The following RUNX2 variants were observed in gnomAD, a reference collection of about 807,000 sequenced individuals.
The protein encoded by RUNX2 is RUNX family transcription factor 2.
RUNX2 carries 10 observed loss-of-function variants against 51.7 expected under a neutral mutation model. That is an observed-to-expected ratio of 0.19 (90% CI 0.12 to 0.33). The LOEUF is 0.33. RUNX2 is among the 10% of genes least tolerant of loss of function. The pLI, the probability that RUNX2 is intolerant of heterozygous loss-of-function variation, is 1.00. For synonymous variants in RUNX2, 276 were observed against 273.6 expected (o/e 1.01, Z -0.09); for missense variants, 562 against 691.3 (o/e 0.81, Z 2.10).
Position 45,547,161 on chromosome 6 carries a change from C to T in RUNX2, c.1422C>T (p.Thr474=). The T allele has an allele frequency of 6.2e-7, 1 of 1,614,128 alleles. No individual in the cohort carries two copies. The highest frequency in any genetic ancestry group is 8.5e-7 in the Non-Finnish European group (1 of 1,180,020). The change falls in exon 9 of 9, where the codon ACC becomes ACT. Residue 474 remains threonine (T), a synonymous_variant. Transcript: ENST00000647337. ...RSPSRMLPPC[T]TTSNGSTLLN... ...CTTCCAGAATGCTTCCGCCATGCACCACCACCTCGAATGGCAGCACGCTAT... is the reference window on the plus strand; with the variant it reads ...CTTCCAGAATGCTTCCGCCATGCACTACCACCTCGAATGGCAGCACGCTAT...
intron 2 of RUNX2, among the ~76,000 whole-genome samples, chr6:45,350,511 T>C (rs1791791632): frequency 1.3e-5 from 2 of 152,202 alleles, no homozygotes; most frequent in African/African-American, 4.8e-5. Context: ...CTCAAGCTGC[T>C]TTCTCACAGA....
In RUNX2 at chr6:45,355,636, C is replaced by T. The variant is rs539179939; in HGVS notation, c.58+26852C>T. 4.1e-3 allele frequency among the ~76,000 whole-genome samples: 617 copies of T among 152,020 alleles called. 2 individuals carry two copies. The highest frequency in any genetic ancestry group is 5.2e-3 in the Admixed American group (80 of 15,260). ...CTTTTGAAATATTTATATTTAATTA[C>T]AAATTCCAGATAAGTGAAGTTTTAT... is the stretch of plus-strand genomic sequence containing the variant. On this transcript the variant is annotated intron_variant, in intron 2 of 8. Coordinates refer to ENST00000647337, the MANE Select transcript of RUNX2 (RefSeq NM_001024630.4).
At chr6:45,458,517 C>T (rs555744476) in intron 5 of RUNX2, among the ~76,000 whole-genome samples, 26 of 152,204 alleles carry the variant, frequency 1.7e-4, no homozygotes, top group African/African-American at 4.6e-4. Context: ...ACATTTATTC[C>T]GTGTCACCAA....
At chr6:45,436,332 A>T (rs1300224507) in intron 4 of RUNX2, among the ~76,000 whole-genome samples, 1 of 148,688 alleles carries the variant, frequency 6.7e-6, no homozygotes, top group African/African-American at 2.6e-5. Context: ...TAGGGTCTGA[A>T]AAATGAGGTT....
intron 2 of RUNX2, among the ~76,000 whole-genome samples, chr6:45,399,480 C>T (rs1797656143): frequency 6.7e-6 from 1 of 149,164 alleles, no homozygotes; most frequent in East Asian, 2.0e-4. Context: ...CTGCCTCAGC[C>T]TACTGAGTAG....
intron 2 of RUNX2, among the ~76,000 whole-genome samples, chr6:45,367,658 C>A (rs950704404): frequency 1.3e-5 from 2 of 152,146 alleles, no homozygotes; most frequent in Non-Finnish European, 2.9e-5. Context: ...TAAGTAGTAA[C>A]CCCAGCCTCC....
chr6:45,477,906 G>A (rs528621090), intron 5 of RUNX2, among the ~76,000 whole-genome samples: 2 of 152,064 alleles, frequency 1.3e-5, no homozygotes, highest in African/African-American at 4.8e-5. Flanking sequence ...CACTGACAAG[G>A]CCCTTCAGCA....
At chr6:45,491,161 C>A (rs9369564) in intron 5 of RUNX2, among the ~76,000 whole-genome samples, 12 of 152,168 alleles carry the variant, frequency 7.9e-5, no homozygotes, top group East Asian at 5.8e-4. Flanking sequence ...AAGGCTCCCC[C>A]CCTCCGCCAA....
At chr6:45,393,431 ATT>A (rs112000848) in intron 2 of RUNX2, among the ~76,000 whole-genome samples, 5 of 146,636 alleles carry the variant, frequency 3.4e-5, no homozygotes, top group African/African-American at 9.9e-5. Context: ...GTAAAGTAAG[ATT>A]TTTTTTTTTT....
At chr6:45,430,781 A>G (rs1217159326) in intron 3 of RUNX2, among the ~76,000 whole-genome samples, 2 of 152,194 alleles carry the variant, frequency 1.3e-5, no homozygotes, top group African/African-American at 4.8e-5. Flanking sequence ...AGCTGCGGTC[A>G]TTGCTGAGTT....
At chr6:45,357,428 G>A (rs546489828) in intron 2 of RUNX2, among the ~76,000 whole-genome samples, 4 of 149,758 alleles carry the variant, frequency 2.7e-5, no homozygotes, top group African/African-American at 9.7e-5. Flanking sequence ...CCTCCTAGGT[G>A]CAAGTGATCC....
chr6:45,491,887 G>C, intron 5 of RUNX2, 54 bp from the exon 6 acceptor site: 1 of 1,547,378 alleles, frequency 6.5e-7, no homozygotes, highest in Non-Finnish European at 8.9e-7. Context: ...TATTTAGCAT[G>C]GTCAATTGTT....
Position 45,402,088 on chromosome 6 carries a change from T to C in RUNX2, c.59-20505T>C, listed in dbSNP as rs181659169. ...GTTAATTATGCTCTTAGATGCATAA[T>C]GGTATTTCACTGTGAATATTCATCT... On this transcript the variant is annotated intron_variant, in intron 2 of 8. Transcript: ENST00000647337. Among the ~76,000 whole-genome samples the C allele has an allele frequency of 1.9e-3, 284 of 152,390 alleles. 2 individuals carry two copies. Among genetic ancestry groups the C allele is most frequent in the African/African-American group, 6.5e-3 (270 of 41,594 alleles).
chr6:45,439,182 A>G (rs959597998), intron 5 of RUNX2, among the ~76,000 whole-genome samples: 4 of 152,100 alleles, frequency 2.6e-5, no homozygotes, highest in Admixed American at 2.6e-4. Flanking sequence ...TGCCTGAACT[A>G]GGGAGGTTTC....
rs56389859 is a variant in RUNX2 at position 45,338,796 on chromosome 6, T to C, written c.58+10012T>C. ...ATAATTTATATGCAGCCTATTTCTC[T>C]GGATGAGACAAGGGAGGCATCCAGG... On this transcript the variant is annotated intron_variant, in intron 2 of 8. Coordinates refer to ENST00000647337, the MANE Select transcript of RUNX2 (RefSeq NM_001024630.4). Among the ~76,000 whole-genome samples the C allele has an allele frequency of 3.9e-3, 596 of 152,226 alleles. 7 individuals carry two copies. The highest frequency in any genetic ancestry group is 0.014 in the African/African-American group (568 of 41,574).
At chr6:45,342,957 T>C (rs1291631496) in intron 2 of RUNX2, among the ~76,000 whole-genome samples, 2 of 152,176 alleles carry the variant, frequency 1.3e-5, no homozygotes, top group Non-Finnish European at 1.5e-5. Context: ...ATTCCAGTTA[T>C]AGCGCCTAGT....
At chr6:45,410,702 G>A (rs1797931311) in intron 2 of RUNX2, among the ~76,000 whole-genome samples, 1 of 152,180 alleles carries the variant, frequency 6.6e-6, no homozygotes, top group African/African-American at 2.4e-5. Flanking sequence ...GGAGCACACA[G>A]TTCTGTGTAC....
intron 2 of RUNX2, among the ~76,000 whole-genome samples, chr6:45,367,855 C>T (rs747901145): frequency 6.6e-6 from 1 of 152,112 alleles, no homozygotes; most frequent in African/African-American, 2.4e-5. Flanking sequence ...ATTTTTATAT[C>T]AAACAGGTGA....
intron 2 of RUNX2, among the ~76,000 whole-genome samples, chr6:45,331,103 T>C (rs1787386109): frequency 8.2e-6 from 1 of 122,530 alleles, no homozygotes; most frequent in Admixed American, 9.1e-5. Flanking sequence ...ATACAATGAG[T>C]GGTGTGTGTG....
Sources: gnomAD v4.1 joint callset for allele counts (sites outside exome capture counted in the v4.1 genomes callset) on GRCh38, gnomAD v4.1.1 for gene constraint, MANE v1.5 for transcripts, NCBI Gene and HGNC (gene_info 2026-07-23, HGNC 2026-07-21) for gene names.